The following CNTN4 variants were observed in gnomAD, a reference collection of about 807,000 sequenced individuals.
CNTN4 encodes contactin 4.
Under a neutral mutation model 122.5 loss-of-function variants are expected in CNTN4, and 77 were observed. That is an observed-to-expected ratio of 0.63 (90% CI 0.52 to 0.76). The LOEUF is 0.76. Ranked by LOEUF, CNTN4 falls within the 30% of genes least tolerant of loss-of-function variation. The pLI, the probability that CNTN4 is intolerant of heterozygous loss-of-function variation, is 0.00. For synonymous variants in CNTN4, 512 were observed against 447.0 expected (o/e 1.15, Z -1.83); for missense variants, 1,256 against 1,259.1 (o/e 1.00, Z 0.04).
chr3:2,372,581 A>G (rs1323856226), intron 3 of CNTN4, among the ~76,000 whole-genome samples: 1 of 152,208 alleles, frequency 6.6e-6, no homozygotes, highest in Admixed American at 6.5e-5. Context: ...AAAGGAAAGC[A>G]ATGTTTCCAA....
intron 6 of CNTN4, among the ~76,000 whole-genome samples, chr3:2,804,230 T>A (rs750359134): frequency 9.9e-5 from 15 of 152,224 alleles, no homozygotes; most frequent in Non-Finnish European, 1.6e-4. Flanking sequence ...GGTGTTAGGA[T>A]CACAGGTGTG....
At chr3:2,772,039 A>G (rs1421477471) in intron 6 of CNTN4, among the ~76,000 whole-genome samples, 2 of 152,178 alleles carry the variant, frequency 1.3e-5, no homozygotes, top group African/African-American at 4.8e-5. Context: ...GGAGAGTGGG[A>G]GGCTACAAGG....
chr3:2,870,694 A>G (rs1327170332), intron 8 of CNTN4, among the ~76,000 whole-genome samples: 2 of 152,158 alleles, frequency 1.3e-5, no homozygotes, highest in Non-Finnish European at 2.9e-5. Flanking sequence ...CAGAAAAGGG[A>G]AAAAAAGCAA....
intron 4 of CNTN4, among the ~76,000 whole-genome samples, chr3:2,673,322 C>T (rs1028067149): frequency 2.0e-5 from 3 of 152,150 alleles, no homozygotes; most frequent in Non-Finnish European, 4.4e-5. Flanking sequence ...AAGCCAGCTT[C>T]TCCTGGCCCA....
intron 14 of CNTN4, among the ~76,000 whole-genome samples, chr3:3,010,697 G>A (rs1181084482): frequency 1.3e-5 from 2 of 152,214 alleles, no homozygotes; most frequent in East Asian, 3.9e-4. Context: ...GACGAGGAGG[G>A]CGCTGTGAAA....
intron 3 of CNTN4, among the ~76,000 whole-genome samples, chr3:2,542,238 C>T (rs1029296916): frequency 6.6e-6 from 1 of 152,120 alleles, no homozygotes; most frequent in African/African-American, 2.4e-5. Flanking sequence ...AGCCAACTGG[C>T]CTCTCAGCCA....
At chr3:2,341,501 C>G (rs991262999) in intron 3 of CNTN4, among the ~76,000 whole-genome samples, 2 of 152,208 alleles carry the variant, frequency 1.3e-5, no homozygotes, top group Non-Finnish European at 2.9e-5. Flanking sequence ...TCTAATTCCT[C>G]TCTTAAAATT....
chr3:2,889,280 C>G (rs2094011849), intron 10 of CNTN4, among the ~76,000 whole-genome samples: 1 of 152,168 alleles, frequency 6.6e-6, no homozygotes, highest in Non-Finnish European at 1.5e-5. Context: ...TAATACTTCA[C>G]TTGATGAGCT....
At chr3:2,209,580 G>T (rs2038515935) in intron 2 of CNTN4, among the ~76,000 whole-genome samples, 1 of 152,100 alleles carries the variant, frequency 6.6e-6, no homozygotes, top group Non-Finnish European at 1.5e-5. Context: ...GTGCTGGGTA[G>T]TTTGCCACTT....
intron 2 of CNTN4, among the ~76,000 whole-genome samples, chr3:2,287,632 G>GAGAAGGAGA (rs1559415115): frequency 4.0e-5 from 2 of 49,472 alleles, no homozygotes; most frequent in African/African-American, 1.4e-4. Flanking sequence ...GAAGGAGAAG[G>GAGAAGGAGA]AGAAGAAGAA....
At chr3:2,472,333 C>T (rs975544471) in intron 3 of CNTN4, among the ~76,000 whole-genome samples, 1 of 152,008 alleles carries the variant, frequency 6.6e-6, no homozygotes, top group Non-Finnish European at 1.5e-5. Context: ...TTCCACCTCC[C>T]GGGTTCAAGC....
chr3:2,609,004 G>A (rs1481651084), intron 4 of CNTN4, among the ~76,000 whole-genome samples: 1 of 152,272 alleles, frequency 6.6e-6, no homozygotes, highest in Non-Finnish European at 1.5e-5. Context: ...ATCAACAACA[G>A]AAATTTTTTA....
At chr3:2,245,317 A>G (rs1039914826) in intron 2 of CNTN4, among the ~76,000 whole-genome samples, 2 of 152,094 alleles carry the variant, frequency 1.3e-5, no homozygotes, top group African/African-American at 4.8e-5. Flanking sequence ...GATTGGTGCA[A>G]TATCCAGCAC....
At chr3:2,521,343 T>TCGCCCCCCCC (rs781282977) in intron 3 of CNTN4, among the ~76,000 whole-genome samples, 39 of 128,336 alleles carry the variant, frequency 3.0e-4, no homozygotes, top group Admixed American at 7.3e-4. Flanking sequence ...CCTCTACCCA[T>TCGCCCCCCCC]CCCCCCCACC....
chr3:2,594,007 A>G (rs1021084107), intron 4 of CNTN4, among the ~76,000 whole-genome samples: 2 of 152,184 alleles, frequency 1.3e-5, no homozygotes, highest in South Asian at 2.1e-4. Flanking sequence ...GTGTATTCCA[A>G]ATATGTAGTA....
At chr3:2,696,185 A>G (rs1047800780) in intron 4 of CNTN4, among the ~76,000 whole-genome samples, 3 of 152,378 alleles carry the variant, frequency 2.0e-5, no homozygotes, top group South Asian at 2.1e-4. Flanking sequence ...GAGATCATAA[A>G]TAATCATCGT....
At chr3:2,239,508 T>G (rs1284400734) in intron 2 of CNTN4, among the ~76,000 whole-genome samples, 1 of 152,014 alleles carries the variant, frequency 6.6e-6, no homozygotes. Flanking sequence ...GCAAGTCTTG[T>G]GGGGCCTGAT....
intron 4 of CNTN4, among the ~76,000 whole-genome samples, chr3:2,616,881 G>C (rs747286378): frequency 6.6e-6 from 1 of 152,064 alleles, no homozygotes; most frequent in Non-Finnish European, 1.5e-5. Context: ...ACAAAAACAA[G>C]CAATGGGGAA....
At chr3:2,736,875 C>G (rs1247882580) in intron 5 of CNTN4, among the ~76,000 whole-genome samples, 1 of 152,010 alleles carries the variant, frequency 6.6e-6, no homozygotes, top group Non-Finnish European at 1.5e-5. Context: ...CCTCTGCCTC[C>G]CAGGTTCAAG....
Sources: gnomAD v4.1 joint callset for allele counts (sites outside exome capture counted in the v4.1 genomes callset) on GRCh38, gnomAD v4.1.1 for gene constraint, MANE v1.5 for transcripts, NCBI Gene and HGNC (gene_info 2026-07-23, HGNC 2026-07-21) for gene names.